Variants in MTDH observed in about 807,000 individuals in gnomAD.
MTDH encodes the protein protein LYRIC.
A neutral mutation model predicts 72.7 loss-of-function variants in MTDH; 34 were observed. The ratio of observed to expected loss-of-function variants is 0.47; its 90% CI spans 0.36 to 0.62. The LOEUF (loss-of-function observed/expected upper bound fraction) is 0.62, where lower values mean the gene tolerates loss of function less well. Among genes scored for constraint, MTDH ranks in the 20% least tolerant of loss-of-function variants. MTDH has a pLI of 0.00. For missense variants in MTDH, 677 were observed against 699.4 expected (o/e 0.97, Z 0.36); for synonymous variants, 266 against 268.9 (o/e 0.99, Z 0.10).
intron 2 of MTDH, among the ~76,000 whole-genome samples, chr8:97,682,401 C>T (rs1475949804): frequency 4.3e-5 from 6 of 139,778 alleles, no homozygotes; most frequent in African/African-American, 1.1e-4. Context: ...CAGGTTCAAG[C>T]GATTCTCCTG....
At chr8:97,644,983 G>A in intron 1 of MTDH, 96 bp downstream of exon 1, 1 of 1,388,882 alleles carries the variant, frequency 7.2e-7, no homozygotes, top group African/African-American at 1.5e-5. Flanking sequence ...GGAAGGAAAA[G>A]AGTGCTTAGT....
chr8:97,646,298 C>G (rs942335145), intron 1 of MTDH, among the ~76,000 whole-genome samples: 1 of 152,114 alleles, frequency 6.6e-6, no homozygotes, highest in Non-Finnish European at 1.5e-5. Flanking sequence ...CATATGAAAC[C>G]TGGAAAAGGC....
In MTDH at chr8:97,690,940, C is replaced by G. The variant is rs1439344288; in HGVS notation, c.812-12C>G. 26 of 1,571,212 alleles carry G rather than the reference C, an allele frequency of 1.7e-5. No homozygotes were observed. The highest frequency in any genetic ancestry group is 2.3e-5 in the Non-Finnish European group (26 of 1,155,060). On this transcript the variant is annotated splice_polypyrimidine_tract_variant and intron_variant, in intron 5 of 11. Coordinates refer to ENST00000336273, the MANE Select transcript of MTDH (RefSeq NM_178812.4). ...GTACCTGTTTTTTAATATTCATTTT[C>G]TTTTCTTTAAGTTTCTTCAGGATTG...
intron 1 of MTDH, among the ~76,000 whole-genome samples, chr8:97,653,128 A>G (rs76974646): frequency 1.3e-5 from 2 of 152,222 alleles, no homozygotes; most frequent in Admixed American, 6.5e-5. Flanking sequence ...AAAAAAAGAA[A>G]AAAAAAAAAA....
intron 8 of MTDH, among the ~76,000 whole-genome samples, chr8:97,711,521 A>G (rs954156019): frequency 2.6e-5 from 4 of 151,960 alleles, no homozygotes; most frequent in African/African-American, 2.4e-5. Context: ...GGAATGAAAC[A>G]GAGTGATCCC....
intron 6 of MTDH, among the ~76,000 whole-genome samples, chr8:97,697,943 T>G (rs1028491881): frequency 6.6e-6 from 1 of 152,204 alleles, no homozygotes; most frequent in African/African-American, 2.4e-5. Context: ...CAGTACTGCT[T>G]CTAAGCAGCT....
chr8:97,648,333 T>C (rs1031920568), intron 1 of MTDH, among the ~76,000 whole-genome samples: 5 of 152,054 alleles, frequency 3.3e-5, no homozygotes, highest in African/African-American at 1.2e-4. Context: ...GACATCTACC[T>C]CAAAGTCTGT....
At chr8:97,715,976 T>C (rs1386630816) in intron 9 of MTDH, among the ~76,000 whole-genome samples, 1 of 152,194 alleles carries the variant, frequency 6.6e-6, no homozygotes, top group African/African-American at 2.4e-5. Context: ...ATATTCTGAA[T>C]CTTGTTCTGT....
chr8:97,683,059 T>C, intron 2 of MTDH, among the ~76,000 whole-genome samples: 1 of 109,054 alleles, frequency 9.2e-6, no homozygotes, highest in Middle Eastern at 3.9e-3. Context: ...TTTTTTTTTT[T>C]TTTTTTTTTT....
rs1284934059 is a variant in MTDH at position 97,726,054 on chromosome 8, T to TC, written c.*1386dup. ...AGCTGTAACCAATGGTACTGATCTA[T>TC]CCATCCAATGTTGTCATTATATTTG... On this transcript the variant is annotated 3_prime_UTR_variant, in exon 12 of 12. Transcript: ENST00000336273. The TC allele has an allele frequency of 6.6e-6, 1 of 152,654 alleles. No homozygotes were observed. The highest frequency in any genetic ancestry group is 2.4e-5 in the African/African-American group (1 of 41,470). 9.5% of individuals were successfully genotyped at this position (152,654 alleles called of 1,614,324 possible).
At chr8:97,670,021 AAAG>A (rs1423093818) in intron 2 of MTDH, among the ~76,000 whole-genome samples, 1 of 152,012 alleles carries the variant, frequency 6.6e-6, no homozygotes, top group Non-Finnish European at 1.5e-5. Flanking sequence ...TCACCGCTAT[AAAG>A]AAGTACGTGC....
At chr8:97,660,919 A>G (rs573797395) in intron 1 of MTDH, among the ~76,000 whole-genome samples, 153 bp from the exon 2 acceptor site, 36 of 145,378 alleles carry the variant, frequency 2.5e-4, no homozygotes, top group African/African-American at 7.9e-4. Flanking sequence ...GGGATAATCT[A>G]TCAACTCTTA....
At chr8:97,646,089 G>C (rs1811553547) in intron 1 of MTDH, among the ~76,000 whole-genome samples, 1 of 152,194 alleles carries the variant, frequency 6.6e-6, no homozygotes, top group Non-Finnish European at 1.5e-5. Flanking sequence ...TGTTAATGAG[G>C]TTTGGAGGGT....
intron 1 of MTDH, among the ~76,000 whole-genome samples, chr8:97,649,618 T>C (rs1264635673): frequency 6.6e-6 from 1 of 152,192 alleles, no homozygotes; most frequent in African/African-American, 2.4e-5. Context: ...TTGTTGTTGT[T>C]TTTGGAGACC....
intron 8 of MTDH, among the ~76,000 whole-genome samples, chr8:97,709,667 T>C (rs1022014486): frequency 6.6e-6 from 1 of 152,190 alleles, no homozygotes; most frequent in South Asian, 2.1e-4. Flanking sequence ...AGATAGAATA[T>C]GTCATTTATG....
chr8:97,729,272 G>A lies in MTDH; in HGVS notation c.*4602G>A, dbSNP rs1815469658. Among the ~76,000 whole-genome samples, 1 of 152,002 alleles carries A rather than the reference G, an allele frequency of 6.6e-6. No homozygotes were observed. Among genetic ancestry groups the A allele is most frequent in the Non-Finnish European group, 1.5e-5 (1 of 68,000 alleles). ...TACTTGAAGACAGCTGCTCTAGCTA[G>A]AAACTTCCTATCGGCATCTGAGCCA... On this transcript the variant is annotated 3_prime_UTR_variant, in exon 12 of 12. Coordinates refer to ENST00000336273, the MANE Select transcript of MTDH (RefSeq NM_178812.4).
chr8:97,677,848 C>T (rs1356430549), intron 2 of MTDH, among the ~76,000 whole-genome samples: 2 of 152,018 alleles, frequency 1.3e-5, no homozygotes, highest in African/African-American at 4.8e-5. Flanking sequence ...CAAAATTTTA[C>T]TGAATTTAAT....
chr8:97,663,728 G>A (rs541268573), intron 2 of MTDH, among the ~76,000 whole-genome samples: 5 of 126,888 alleles, frequency 3.9e-5, no homozygotes, highest in African/African-American at 6.4e-5. Flanking sequence ...CAGCCTGGGC[G>A]ACAGAGCAAG....
intron 8 of MTDH, among the ~76,000 whole-genome samples, chr8:97,708,581 CTTTTTTTTTTTTTTTT>C (rs1174573079): frequency 9.9e-5 from 3 of 30,236 alleles, no homozygotes; most frequent in East Asian, 9.0e-4. Flanking sequence ...CATGCCAGGC[CTTTTTTTTTTTTTTTT>C]TTTTTTTTTT....
Sources: gnomAD v4.1 joint callset for allele counts (sites outside exome capture counted in the v4.1 genomes callset) on GRCh38, gnomAD v4.1.1 for gene constraint, MANE v1.5 for transcripts, NCBI Gene and HGNC (gene_info 2026-07-23, HGNC 2026-07-21) for gene names.